The following PDGFC variants were observed in gnomAD, a reference collection of about 807,000 sequenced individuals.
The protein encoded by PDGFC is platelet derived growth factor C, also known as platelet-derived growth factor C.
A neutral mutation model predicts 35.5 loss-of-function variants in PDGFC; 12 were observed. The ratio of observed to expected loss-of-function variants is 0.34; its 90% CI spans 0.22 to 0.55. The LOEUF (loss-of-function observed/expected upper bound fraction) is 0.55. Among genes scored for constraint, PDGFC ranks in the 20% least tolerant of loss-of-function variants. The pLI is 0.91. For synonymous variants in PDGFC, 159 were observed against 148.8 expected (o/e 1.07, Z -0.50); for missense variants, 322 against 412.4 (o/e 0.78, Z 1.90).
chr4:156,838,110 C>T (rs919446556), intron 2 of PDGFC, among the ~76,000 whole-genome samples: 32 of 152,168 alleles, frequency 2.1e-4, no homozygotes, highest in African/African-American at 7.5e-4. Context: ...CTAAAGAGAA[C>T]TTTATTCTGT....
intron 3 of PDGFC, among the ~76,000 whole-genome samples, chr4:156,787,059 G>A (rs571952365): frequency 6.6e-6 from 1 of 152,140 alleles, no homozygotes. Flanking sequence ...AGATCCAGAG[G>A]TTTATGGATA....
intron 3 of PDGFC, among the ~76,000 whole-genome samples, chr4:156,788,467 T>A (rs1300255498): frequency 2.0e-5 from 3 of 152,184 alleles, no homozygotes; most frequent in African/African-American, 7.2e-5. Context: ...TATCAGAAAC[T>A]TAGCAGGGCC....
intron 1 of PDGFC, among the ~76,000 whole-genome samples, chr4:156,892,432 G>A (rs919848745): frequency 2.0e-5 from 3 of 151,960 alleles, no homozygotes; most frequent in African/African-American, 7.2e-5. Context: ...TATTTTTGTT[G>A]TTGCCACTTT....
intron 4 of PDGFC, among the ~76,000 whole-genome samples, chr4:156,768,307 T>C (rs1209111181): frequency 1.6e-5 from 2 of 121,834 alleles, no homozygotes; most frequent in Non-Finnish European, 3.2e-5. Context: ...CCACACGTTT[T>C]AACCTTAGTA....
chr4:156,905,228 C>A (rs940126190), intron 1 of PDGFC, among the ~76,000 whole-genome samples: 2 of 151,980 alleles, frequency 1.3e-5, no homozygotes, highest in Non-Finnish European at 2.9e-5. Context: ...AATTCCTTAG[C>A]AAATAAAAGT....
At chr4:156,863,523 C>A (rs1193302403) in intron 1 of PDGFC, among the ~76,000 whole-genome samples, 1 of 152,096 alleles carries the variant, frequency 6.6e-6, no homozygotes, top group Non-Finnish European at 1.5e-5. Context: ...ACAACAAAAA[C>A]AGTAACAATC....
At chr4:156,787,775 C>T (rs546223198) in intron 3 of PDGFC, among the ~76,000 whole-genome samples, 24 of 152,050 alleles carry the variant, frequency 1.6e-4, no homozygotes, top group Non-Finnish European at 2.8e-4. Flanking sequence ...GGAGGAAAGT[C>T]AGTTGCTGAG....
chr4:156,929,308 A>G (rs1731492250), intron 1 of PDGFC, among the ~76,000 whole-genome samples: 1 of 152,194 alleles, frequency 6.6e-6, no homozygotes, highest in Non-Finnish European at 1.5e-5. Flanking sequence ...TATCTGTTCA[A>G]ACCTTAGAAA....
intron 2 of PDGFC, among the ~76,000 whole-genome samples, chr4:156,830,695 A>T (rs577946336): frequency 1.4e-4 from 21 of 152,348 alleles, no homozygotes; most frequent in African/African-American, 5.0e-4. Flanking sequence ...GGTACATTTC[A>T]TTGGATATTC....
At chr4:156,841,164 G>GAT (rs1374401069) in intron 2 of PDGFC, among the ~76,000 whole-genome samples, 1 of 152,046 alleles carries the variant, frequency 6.6e-6, no homozygotes, top group Non-Finnish European at 1.5e-5. Context: ...GGGGAGGAAT[G>GAT]ATATAATTTG....
intron 4 of PDGFC, among the ~76,000 whole-genome samples, chr4:156,769,571 C>T (rs910942784): frequency 1.3e-5 from 2 of 151,916 alleles, no homozygotes; most frequent in African/African-American, 4.8e-5. Flanking sequence ...ATTTTTCTAA[C>T]TCAAGGGAAA....
In PDGFC at chr4:156,904,374, G is replaced by A. The variant is rs528149489; in HGVS notation, c.119-53958C>T. ...TGTGCTTCTAACACTGTTAAAACAG[G>A]GCTAATTATACCTAAATACACTCTA... is the stretch of plus-strand genomic sequence containing the variant. On this transcript the variant is annotated intron_variant, in intron 1 of 5. Transcript: ENST00000502773. Among the ~76,000 whole-genome samples, 4 of 151,990 alleles carry A rather than the reference G, an allele frequency of 2.6e-5. No homozygotes were observed. In the South Asian group the frequency reaches 6.2e-4, roughly 24 times the overall value.
intron 2 of PDGFC, among the ~76,000 whole-genome samples, chr4:156,832,036 A>T (rs1413953333): frequency 6.6e-6 from 1 of 151,994 alleles, no homozygotes; most frequent in East Asian, 1.9e-4. Flanking sequence ...TTCTCTTTTA[A>T]AATTTTTTTT....
intron 2 of PDGFC, among the ~76,000 whole-genome samples, chr4:156,837,447 A>G (rs1729090170): frequency 6.6e-6 from 1 of 152,084 alleles, no homozygotes; most frequent in African/African-American, 2.4e-5. Flanking sequence ...TAAATGCTAC[A>G]ATAGATAACT....
chr4:156,930,235 T>C (rs1474213499), intron 1 of PDGFC, among the ~76,000 whole-genome samples: 1 of 152,242 alleles, frequency 6.6e-6, no homozygotes, highest in African/African-American at 2.4e-5. Flanking sequence ...TTTGTCGTTA[T>C]TGCTATATGA....
chr4:156,949,757 C>G (rs1291372991), intron 1 of PDGFC, among the ~76,000 whole-genome samples: 1 of 151,880 alleles, frequency 6.6e-6, no homozygotes, highest in East Asian at 1.9e-4. Context: ...TTTTGACTTT[C>G]TATGGAAATC....
In PDGFC at chr4:156,778,288, C is replaced by T. The variant is rs76627167; in HGVS notation, c.496-5395G>A. Reference sequence around the variant, plus strand: ...CTGCTATTATGAATCACACAAGTAACCAAACAAGTATCACACAAATCCTGG... The same window carrying T: ...CTGCTATTATGAATCACACAAGTAATCAAACAAGTATCACACAAATCCTGG... On this transcript the variant is annotated intron_variant, in intron 3 of 5. Transcript: ENST00000502773. 1.1e-3 allele frequency: 353 copies of T among 312,128 alleles called. 3 individuals are homozygous for T. The highest frequency in any genetic ancestry group is 7.1e-3 in the African/African-American group (325 of 46,036). 19.3% of individuals were successfully genotyped at this position (312,128 alleles called of 1,614,324 possible).
intron 1 of PDGFC, among the ~76,000 whole-genome samples, chr4:156,855,178 T>C (rs1410481255): frequency 2.6e-5 from 4 of 152,130 alleles, no homozygotes; most frequent in Non-Finnish European, 5.9e-5. Context: ...TTCTATAATG[T>C]TTACCATGCA....
chr4:156,858,615 G>T (rs1038294083), intron 1 of PDGFC, among the ~76,000 whole-genome samples: 2 of 151,964 alleles, frequency 1.3e-5, no homozygotes, highest in Admixed American at 1.3e-4. Context: ...CACCTTAAAG[G>T]TTCACTATTG....
Sources: allele counts gnomAD v4.1 joint callset (sites outside exome capture counted in the v4.1 genomes callset), GRCh38; gene constraint gnomAD v4.1.1; transcripts MANE v1.5; gene names NCBI Gene and HGNC (gene_info 2026-07-23, HGNC 2026-07-21).